GRID2: variants seen among roughly 807,000 people sequenced by gnomAD.
The protein encoded by GRID2 is glutamate ionotropic receptor delta type subunit 2.
Under a neutral mutation model 114.8 loss-of-function variants are expected in GRID2, and 33 were observed. The observed-to-expected ratio is 0.29, with a 90% CI of 0.22 to 0.38. GRID2 has a LOEUF of 0.38. Among genes scored for constraint, GRID2 ranks in the 10% least tolerant of loss-of-function variants. The pLI is 1.00. For missense variants in GRID2, 1,184 were observed against 1,257.7 expected (o/e 0.94, Z 0.89); for synonymous variants, 505 against 449.9 (o/e 1.12, Z -1.55).
At chr4:93,448,858 TCCCCTTCCCTTC>T (rs1722377693) in intron 10 of GRID2, among the ~76,000 whole-genome samples, 1 of 17,564 alleles carries the variant, frequency 5.7e-5, no homozygotes, top group Non-Finnish European at 9.5e-5. Context: ...TCCCTTCCCT[TCCCCTTCCCTTC>T]CCCTTCCCTT....
At chr4:92,673,826 G>A (rs1733193432) in intron 2 of GRID2, among the ~76,000 whole-genome samples, 1 of 152,036 alleles carries the variant, frequency 6.6e-6, no homozygotes, top group Non-Finnish European at 1.5e-5. Context: ...CCTGTCATGG[G>A]GTGGGGAGGA....
At chr4:92,734,069 AT>A (rs1579936420) in intron 2 of GRID2, among the ~76,000 whole-genome samples, 1 of 151,750 alleles carries the variant, frequency 6.6e-6, no homozygotes. Flanking sequence ...TGTTGTTTTG[AT>A]TTTTTTCAAA....
chr4:93,669,169 G>C (rs1724191816), intron 14 of GRID2, among the ~76,000 whole-genome samples: 1 of 152,074 alleles, frequency 6.6e-6, no homozygotes, highest in East Asian at 1.9e-4. Context: ...TTCAAAAATA[G>C]TATTAGACAT....
intron 13 of GRID2, among the ~76,000 whole-genome samples, chr4:93,570,903 A>G (rs1214142962): frequency 6.6e-6 from 1 of 152,078 alleles, no homozygotes; most frequent in Admixed American, 6.6e-5. Context: ...GGATTTACAA[A>G]ATGGTAAATG....
At chr4:93,371,622 T>A (rs1762920269) in intron 8 of GRID2, among the ~76,000 whole-genome samples, 1 of 152,020 alleles carries the variant, frequency 6.6e-6, no homozygotes, top group Non-Finnish European at 1.5e-5. Flanking sequence ...TGCAAAATAA[T>A]GTTACAATTC....
At chr4:92,505,820 T>A (rs1310297351) in intron 1 of GRID2, among the ~76,000 whole-genome samples, 1 of 152,028 alleles carries the variant, frequency 6.6e-6, no homozygotes, top group African/African-American at 2.4e-5. Flanking sequence ...TTTATATTGA[T>A]ATACACTTCT....
chr4:92,612,084 C>G (rs1729778685), intron 2 of GRID2, among the ~76,000 whole-genome samples: 1 of 150,790 alleles, frequency 6.6e-6, no homozygotes. Context: ...TTTTTCATGT[C>G]TTCTAGAAAA....
At chr4:93,726,437 C>G (rs1303762685) in intron 14 of GRID2, among the ~76,000 whole-genome samples, 3 of 152,172 alleles carry the variant, frequency 2.0e-5, no homozygotes, top group Admixed American at 6.5e-5. Flanking sequence ...CAGCTTTGTT[C>G]TTTTGGCTTA....
chr4:92,980,470 C>T (rs114881696), intron 2 of GRID2, among the ~76,000 whole-genome samples: 17 of 151,894 alleles, frequency 1.1e-4, no homozygotes, highest in African/African-American at 4.1e-4. Flanking sequence ...TTAGAAACCT[C>T]TCTTTATTGG....
At chr4:92,718,086 C>T (rs1400122825) in intron 2 of GRID2, among the ~76,000 whole-genome samples, 1 of 151,896 alleles carries the variant, frequency 6.6e-6, no homozygotes, top group Admixed American at 6.6e-5. Context: ...GTATGCATGG[C>T]AGTATAAATT....
chr4:93,705,607 C>T (rs1230042348), intron 14 of GRID2, among the ~76,000 whole-genome samples: 2 of 152,122 alleles, frequency 1.3e-5, no homozygotes, highest in African/African-American at 4.8e-5. Flanking sequence ...GGATAGTTTG[C>T]AAATATTTTT....
intron 14 of GRID2, among the ~76,000 whole-genome samples, chr4:93,718,649 G>A (rs1729105681): frequency 1.3e-5 from 2 of 151,918 alleles, no homozygotes. Flanking sequence ...GAAACTCTTG[G>A]CACATATTTT....
rs908569204 is a variant in GRID2 at position 93,644,179 on chromosome 4, G to A, written c.2360+17744G>A. On this transcript the variant is annotated intron_variant, in intron 14 of 15. Transcript: ENST00000282020. ...CCTCGCCCTGCTTCGGCTCGCGCAC[G>A]GTGCGCACACACACTGGCCTGCGCC... 1.3e-4 allele frequency among the ~76,000 whole-genome samples: 12 copies of A among 88,902 alleles called. 4 individuals are homozygous for A. The highest frequency in any genetic ancestry group is 2.2e-4 in the Non-Finnish European group (10 of 46,168). The allele number at this position is 88,902 out of a possible 152,430, so 58.3% of individuals were successfully genotyped here. A position where few individuals can be genotyped will look rare whatever the true frequency, so the allele number is the denominator to read the frequency against.
chr4:92,358,282 G>A (rs1728443661), intron 1 of GRID2, among the ~76,000 whole-genome samples: 1 of 151,942 alleles, frequency 6.6e-6, no homozygotes, highest in Admixed American at 6.6e-5. Flanking sequence ...GGTTGCATCT[G>A]TATTGTACAT....
At chr4:92,720,142 A>G (rs1415867751) in intron 2 of GRID2, among the ~76,000 whole-genome samples, 1 of 152,088 alleles carries the variant, frequency 6.6e-6, no homozygotes, top group Non-Finnish European at 1.5e-5. Context: ...TTTAAGTCAA[A>G]TTATATTTTA....
At chr4:93,451,900 A>G (rs1411176771) in intron 10 of GRID2, among the ~76,000 whole-genome samples, 1 of 152,150 alleles carries the variant, frequency 6.6e-6, no homozygotes, top group Non-Finnish European at 1.5e-5. Context: ...GAATATCATA[A>G]GTATGATGTT....
chr4:92,546,816 T>A (rs1245137902), intron 1 of GRID2, among the ~76,000 whole-genome samples: 2 of 152,200 alleles, frequency 1.3e-5, no homozygotes, highest in Non-Finnish European at 2.9e-5. Flanking sequence ...ATTATTAATA[T>A]GTTCAGTGGA....
Position 93,225,222 on chromosome 4 carries a change from G to T in GRID2, c.1125+447G>T, listed in dbSNP as rs138586975. ...CTCATGATAAGGATAGGATTCATAA[G>T]TAGATAATATGTTGCAGCATTTGTG... On this transcript the variant is annotated intron_variant, in intron 7 of 15. Coordinates refer to ENST00000282020, the MANE Select transcript of GRID2 (RefSeq NM_001510.4). 6.3e-3 allele frequency among the ~76,000 whole-genome samples: 967 copies of T among 152,300 alleles called. 24 individuals are homozygous for T. Among genetic ancestry groups the T allele is most frequent in the Admixed American group, 0.055 (841 of 15,290 alleles).
chr4:93,669,515 C>G (rs1421101311), intron 14 of GRID2, among the ~76,000 whole-genome samples: 1 of 151,992 alleles, frequency 6.6e-6, no homozygotes, highest in Admixed American at 6.6e-5. Flanking sequence ...TAGTGATATA[C>G]TGAAGTTAAC....
Sources: allele counts gnomAD v4.1 joint callset (sites outside exome capture counted in the v4.1 genomes callset), GRCh38; gene constraint gnomAD v4.1.1; transcripts MANE v1.5; gene names NCBI Gene and HGNC (gene_info 2026-07-23, HGNC 2026-07-21).